SCARA5: variants seen among roughly 807,000 people sequenced by gnomAD.
The protein encoded by SCARA5 is scavenger receptor class A, member 5 (putative).
SCARA5 carries 45 observed loss-of-function variants against 46.3 expected under a neutral mutation model. That is an observed-to-expected ratio of 0.97 (90% CI 0.76 to 1.24). The LOEUF is 1.24. Among genes scored for constraint, SCARA5 ranks in the 50% most tolerant of loss-of-function variants. The pLI is 0.00. For missense variants in SCARA5, 680 were observed against 689.0 expected, an observed-to-expected ratio of 0.99 and a Z score of 0.15; for synonymous variants, 333 against 306.5, an observed-to-expected ratio of 1.09 and a Z score of -0.90.
intron 8 of SCARA5, among the ~76,000 whole-genome samples, chr8:27,873,101 A>T (rs1806666316): frequency 6.6e-6 from 1 of 152,158 alleles, no homozygotes; most frequent in Non-Finnish European, 1.5e-5. Flanking sequence ...ATAGCTGATT[A>T]CTCAAGGTGT....
intron 2 of SCARA5, among the ~76,000 whole-genome samples, chr8:27,967,944 G>A (rs962643761): frequency 3.3e-5 from 5 of 151,920 alleles, no homozygotes; most frequent in East Asian, 1.9e-4. Context: ...GGAGAGGAGA[G>A]GAGTGTCACT....
At chr8:27,985,715 C>G in intron 2 of SCARA5, among the ~76,000 whole-genome samples, 1 of 152,296 alleles carries the variant, frequency 6.6e-6, no homozygotes, top group South Asian at 2.1e-4. Context: ...CCAGGAGGCA[C>G]GAATCAGCCT....
rs143583927 is a variant in SCARA5, at chr8:27,947,788, T to C, written c.241+18626A>G. Among the ~76,000 whole-genome samples, 712 of 151,474 alleles carry C rather than the reference T, an allele frequency of 4.7e-3. 5 individuals carry two copies. The highest frequency in any genetic ancestry group is 0.016 in the African/African-American group (668 of 41,234). ...TACTTGGGAGACTGAGGCAGGAGAA[T>C]TGCTTGAACCCGGGAGGCAGAGGTT... On this transcript the variant is annotated intron_variant, in intron 3 of 8. Coordinates refer to ENST00000354914, the MANE Select transcript of SCARA5 (RefSeq NM_173833.6).
chr8:27,961,559 G>A (rs1168668327), intron 3 of SCARA5, among the ~76,000 whole-genome samples: 2 of 152,156 alleles, frequency 1.3e-5, no homozygotes, highest in East Asian at 1.9e-4. Context: ...TAGGGAGTAC[G>A]CTGATTTCCC....
chr8:27,940,760 G>GTCCATCCATCCACCCAACCATCTGTCCA (rs1807932190), intron 3 of SCARA5, among the ~76,000 whole-genome samples: 1 of 128,278 alleles, frequency 7.8e-6, no homozygotes, highest in Non-Finnish European at 1.6e-5. Flanking sequence ...CCAACCATCT[G>GTCCATCCATCCACCCAACCATCTGTCCA]TCCATCCATC....
At chr8:27,895,141 T>C (rs939707) in intron 7 of SCARA5, among the ~76,000 whole-genome samples, 146,193 of 152,288 alleles carry the variant, frequency 0.96, 70,474 homozygotes, top group East Asian at 1. Context: ...GAAAGGAGGT[T>C]GTGGAGAATA....
intron 8 of SCARA5, 105 bp downstream of exon 8, chr8:27,879,464 G>A: frequency 9.0e-7 from 1 of 1,105,322 alleles, no homozygotes; most frequent in Non-Finnish European, 1.3e-6. Flanking sequence ...GAGAGGCTGG[G>A]GACCTCGCGG....
chr8:27,938,312 A>C (rs191656966), intron 3 of SCARA5, among the ~76,000 whole-genome samples: 227 of 152,198 alleles, frequency 1.5e-3, no homozygotes, highest in Non-Finnish European at 1.8e-3. Context: ...TGTACTTAAA[A>C]ATGTTTGAAG....
At chr8:27,952,170 C>G (rs192783494) in intron 3 of SCARA5, among the ~76,000 whole-genome samples, 1 of 152,052 alleles carries the variant, frequency 6.6e-6, no homozygotes, top group African/African-American at 2.4e-5. Context: ...AGCCTACAAG[C>G]CAAGAAACAA....
rs576785176 is a variant in SCARA5, at chr8:27,967,259, C to A, written c.113-717G>T. On this transcript the variant is annotated intron_variant, in intron 2 of 8. Coordinates refer to ENST00000354914, the MANE Select transcript of SCARA5 (RefSeq NM_173833.6). The stretch of plus-strand genomic sequence containing the variant: ...TGCTCAAAATGGAACAGGGAAATAT[C>A]CTTGCTGTAGTGGCCTTTTGGGCCA... 2.0e-5 allele frequency among the ~76,000 whole-genome samples: 3 copies of A among 152,356 alleles called. No homozygotes were observed. In the South Asian group the frequency reaches 6.2e-4, roughly 32 times the overall value.
intron 3 of SCARA5, among the ~76,000 whole-genome samples, chr8:27,951,565 G>T (rs1808128304): frequency 6.6e-6 from 1 of 152,224 alleles, no homozygotes; most frequent in South Asian, 2.1e-4. Flanking sequence ...CCAGGGTCAG[G>T]AGACCCGAGG....
chr8:27,914,671 C>G (rs1402236751), intron 4 of SCARA5, among the ~76,000 whole-genome samples: 1 of 152,238 alleles, frequency 6.6e-6, no homozygotes, highest in Non-Finnish European at 1.5e-5. Flanking sequence ...TACACCATCT[C>G]ATTTCTCATC....
intron 2 of SCARA5, among the ~76,000 whole-genome samples, chr8:27,981,448 C>T (rs536768014): frequency 1.3e-5 from 2 of 152,320 alleles, no homozygotes; most frequent in East Asian, 3.9e-4. Flanking sequence ...ACAGGAGCAG[C>T]CCTGGGTGAC....
intron 2 of SCARA5, among the ~76,000 whole-genome samples, chr8:27,974,293 G>T (rs1173389339): frequency 1.3e-5 from 2 of 152,166 alleles, no homozygotes; most frequent in African/African-American, 4.8e-5. Context: ...TCATCAAAAT[G>T]TCCTTTCCTT....
At position 27,921,918 on chromosome 8, in the gene SCARA5, A is replaced by G; in HGVS notation, c.569T>C (p.Val190Ala). 6.5e-7 allele frequency: 1 copy of G among 1,529,614 alleles called. No homozygotes were observed. The highest frequency in any genetic ancestry group is 8.7e-7 in the Non-Finnish European group (1 of 1,146,524). 94.8% of individuals were successfully genotyped at this position (1,529,614 alleles called of 1,614,324 possible). ...CAGCAGCTGGCTACTGTTGCTCTCC[A>G]CCTGCAGCTGGTAGAGCTCCAGCTG... ...TAQLELYQLQ[V>A]ESNSSQLLLR... Residue 190 changes from valine to alanine, a missense_variant, in exon 4 of 9, where the codon GTG becomes GCG. Val to Ala is a moderately conservative substitution (Grantham distance 64). Coordinates refer to ENST00000354914, the MANE Select transcript of SCARA5 (RefSeq NM_173833.6).
At chr8:27,905,674 A>T (rs1204323516) in intron 6 of SCARA5, among the ~76,000 whole-genome samples, 2 of 148,122 alleles carry the variant, frequency 1.4e-5, no homozygotes, top group Non-Finnish European at 3.0e-5. Context: ...TGCTTTATGC[A>T]CTTCTGTGTT....
In SCARA5 at chr8:27,973,231, T is replaced by C. The variant is rs548467563; in HGVS notation, c.113-6689A>G. On this transcript the variant is annotated intron_variant, in intron 2 of 8. Coordinates refer to ENST00000354914, the MANE Select transcript of SCARA5 (RefSeq NM_173833.6). ...GTGGCTCATGCTTGTAATCACAGCATTTTGGGAGGCCAAGGTGGGCAGATC... is the reference window on the plus strand; with the variant it reads ...GTGGCTCATGCTTGTAATCACAGCACTTTGGGAGGCCAAGGTGGGCAGATC... 1.4e-3 allele frequency among the ~76,000 whole-genome samples: 216 copies of C among 152,136 alleles called. 1 individual carries two copies. The highest frequency in any genetic ancestry group is 7.8e-4 in the Non-Finnish European group (53 of 68,006).
intron 2 of SCARA5, among the ~76,000 whole-genome samples, chr8:27,983,641 G>A (rs538675739): frequency 9.2e-5 from 14 of 152,266 alleles, no homozygotes; most frequent in Non-Finnish European, 1.8e-4. Context: ...ACAAGGTCCC[G>A]AAAGAATTCC....
At chr8:27,915,422 G>A (rs1479923034) in intron 4 of SCARA5, among the ~76,000 whole-genome samples, 1 of 152,066 alleles carries the variant, frequency 6.6e-6, no homozygotes, top group African/African-American at 2.4e-5. Flanking sequence ...ACCATACAAC[G>A]TCCCAGGGAC....
Sources: gnomAD v4.1 joint callset for allele counts (sites outside exome capture counted in the v4.1 genomes callset) on GRCh38, gnomAD v4.1.1 for gene constraint, MANE v1.5 for transcripts, NCBI Gene and HGNC (gene_info 2026-07-23, HGNC 2026-07-21) for gene names.